Variants in TRMT11 observed in about 807,000 individuals in gnomAD.
TRMT11 encodes tRNA methyltransferase 11, also known as tRNA (guanine(10)-N(2))-methyltransferase TRMT11.
Under a neutral mutation model 62.8 loss-of-function variants are expected in TRMT11, and 53 were observed. That is an observed-to-expected ratio of 0.84 (90% CI 0.68 to 1.06). The LOEUF (loss-of-function observed/expected upper bound fraction) is 1.06, where lower values mean the gene tolerates loss of function less well. Ranked by LOEUF, TRMT11 falls within the 50% of genes least tolerant of loss-of-function variation. The pLI, the probability that TRMT11 is intolerant of heterozygous loss-of-function variation, is 0.00. For synonymous variants in TRMT11, 188 were observed against 190.3 expected (o/e 0.99, Z 0.10); for missense variants, 556 against 553.4 (o/e 1.00, Z -0.05).
At chr6:126,001,925 G>T (rs1209364236) in intron 7 of TRMT11, among the ~76,000 whole-genome samples, 1 of 151,894 alleles carries the variant, frequency 6.6e-6, no homozygotes, top group Non-Finnish European at 1.5e-5. Flanking sequence ...AACCCCGATG[G>T]TCTATAATTC....
chr6:126,100,530 A>T (rs973953237), intron 17 of TRMT11, among the ~76,000 whole-genome samples: 2 of 152,196 alleles, frequency 1.3e-5, no homozygotes, highest in African/African-American at 4.8e-5. Context: ...TGCTACAAGG[A>T]ATGTGCTGTA....
intron 21 of TRMT11, among the ~76,000 whole-genome samples, chr6:126,144,318 T>C (rs1446569919): frequency 6.6e-6 from 1 of 152,216 alleles, no homozygotes; most frequent in East Asian, 1.9e-4. Flanking sequence ...TGGAGGTTCT[T>C]ATTTGGAAGC....
the TRMT11 span, among the ~76,000 whole-genome samples, chr6:126,235,840 C>T: frequency 1.6e-4 from 24 of 152,262 alleles, no homozygotes; most frequent in East Asian, 2.5e-3. Context: ...CCATCCTGCA[C>T]ATGTACCCCT....
intron 1 of TRMT11, among the ~76,000 whole-genome samples, chr6:126,181,380 C>A (rs1778465345): frequency 6.6e-6 from 1 of 152,138 alleles, no homozygotes; most frequent in Non-Finnish European, 1.5e-5. Flanking sequence ...CCACTCCTGT[C>A]CTCATTTTAT....
chr6:126,220,994 T>C, the TRMT11 span, among the ~76,000 whole-genome samples: 1 of 152,198 alleles, frequency 6.6e-6, no homozygotes, highest in Non-Finnish European at 1.5e-5. Context: ...CTCCCACTTA[T>C]TGGTGAGAAC....
intron 21 of TRMT11, among the ~76,000 whole-genome samples, chr6:126,143,844 ACTTGGAGTTAGT>A (rs1777945679): frequency 6.6e-6 from 1 of 152,124 alleles, no homozygotes; most frequent in South Asian, 2.1e-4. Flanking sequence ...GCTTAGAAAT[ACTTGGAGTTAGT>A]GTCTGGGCTC....
chr6:126,012,634 C>A (rs887415694), intron 9 of TRMT11, 137 bp from the exon 10 acceptor site: 9 of 605,272 alleles, frequency 1.5e-5, no homozygotes, highest in Non-Finnish European at 2.3e-5. Flanking sequence ...TTATGTTGTA[C>A]ATTTTCAGTT....
At chr6:126,090,155 T>C (rs1175229379) in intron 17 of TRMT11, among the ~76,000 whole-genome samples, 1 of 152,240 alleles carries the variant, frequency 6.6e-6, no homozygotes, top group Non-Finnish European at 1.5e-5. Flanking sequence ...TTTGCACCCC[T>C]ATCTCAGTTT....
chr6:126,149,340 A>G (rs1195306114), intron 21 of TRMT11, among the ~76,000 whole-genome samples: 2 of 152,328 alleles, frequency 1.3e-5, no homozygotes, highest in African/African-American at 2.4e-5. Context: ...TCATTTTCTA[A>G]GAGAATCATT....
intron 21 of TRMT11, among the ~76,000 whole-genome samples, chr6:126,140,321 T>C (rs1481628292): frequency 1.3e-5 from 2 of 152,104 alleles, no homozygotes; most frequent in Admixed American, 1.3e-4. Context: ...ATAAAAGTTA[T>C]TTGTCCATGA....
intron 16 of TRMT11, among the ~76,000 whole-genome samples, chr6:126,046,892 C>T (rs975319571): frequency 6.6e-6 from 1 of 152,084 alleles, no homozygotes; most frequent in Non-Finnish European, 1.5e-5. Flanking sequence ...TGCTAGAGCC[C>T]AACCAGAAAG....
chr6:126,140,389 T>C (rs1051481246), intron 21 of TRMT11, among the ~76,000 whole-genome samples: 6 of 152,096 alleles, frequency 3.9e-5, no homozygotes, highest in African/African-American at 1.4e-4. Context: ...CTTGGTAAAA[T>C]GGATCAGATA....
In TRMT11 at chr6:126,038,696, A is replaced by G; in HGVS notation, c.1261-9A>G. 1 of 1,542,980 alleles carries G rather than the reference A, an allele frequency of 6.5e-7. No individual in the cohort carries two copies. The highest frequency in any genetic ancestry group is 8.7e-7 in the Non-Finnish European group (1 of 1,152,808). ...TAATTTTTACATTTTGTATTTTCCAACCAAACAGAATCGGGACCAGTATTC... is the reference window on the plus strand; with the variant it reads ...TAATTTTTACATTTTGTATTTTCCAGCCAAACAGAATCGGGACCAGTATTC... On this transcript the variant is annotated splice_polypyrimidine_tract_variant and intron_variant, in intron 12 of 12. Coordinates refer to ENST00000334379, the MANE Select transcript of TRMT11 (RefSeq NM_001031712.3).
chr6:126,162,358 G>GATCA (rs1365192746), intron 21 of TRMT11, among the ~76,000 whole-genome samples: 1 of 152,200 alleles, frequency 6.6e-6, no homozygotes, highest in African/African-American at 2.4e-5. Flanking sequence ...GTTTGTCAAA[G>GATCA]ATCAGATGGT....
intron 17 of TRMT11, among the ~76,000 whole-genome samples, chr6:126,076,106 G>T (rs1777014915): frequency 6.6e-6 from 1 of 151,652 alleles, no homozygotes; most frequent in African/African-American, 2.4e-5. Flanking sequence ...TTAGTAGGTT[G>T]TGGGGGGTTG....
At chr6:126,113,784 A>G (rs866737068) in intron 18 of TRMT11, among the ~76,000 whole-genome samples, 3 of 152,076 alleles carry the variant, frequency 2.0e-5, no homozygotes, top group Middle Eastern at 3.2e-3. Context: ...AGTGTCACCC[A>G]GAAGCTTGTT....
Position 126,144,079 on chromosome 6 carries a change from T to A in TRMT11, c.*1823+28224T>A, listed in dbSNP as rs75405644. Among the ~76,000 whole-genome samples the A allele has an allele frequency of 1.4e-4, 22 of 152,348 alleles. 1 individual carries two copies. In the East Asian group the frequency reaches 4.0e-3, roughly 28 times the overall value. On this transcript the variant is annotated intron_variant and NMD_transcript_variant, in intron 21 of 22. Transcript: ENST00000648977. ...TCTTGTTTGAATTAATAGCTGCTTT[T>A]GAGTCTTCAATCCCACTTGAGTATG...
At chr6:126,210,149 G>A in the TRMT11 span, among the ~76,000 whole-genome samples, 1 of 152,180 alleles carries the variant, frequency 6.6e-6, no homozygotes, top group South Asian at 2.1e-4. Context: ...TAATCAAAAG[G>A]GAGATCATGC....
intron 12 of TRMT11, among the ~76,000 whole-genome samples, chr6:126,024,703 C>T (rs963354976): frequency 6.6e-6 from 1 of 152,200 alleles, no homozygotes; most frequent in Admixed American, 6.5e-5. Context: ...TTCCATTACA[C>T]TAACCATCAC....
Sources: gnomAD v4.1 joint callset for allele counts (sites outside exome capture counted in the v4.1 genomes callset) on GRCh38, gnomAD v4.1.1 for gene constraint, MANE v1.5 for transcripts, NCBI Gene and HGNC (gene_info 2026-07-23, HGNC 2026-07-21) for gene names.